TRIO: variants seen among roughly 807,000 people sequenced by gnomAD.
The protein encoded by TRIO is trio Rho guanine nucleotide exchange factor.
A neutral mutation model predicts 351.9 loss-of-function variants in TRIO; 58 were observed. That is an observed-to-expected ratio of 0.16 (90% CI 0.13 to 0.21). The LOEUF is 0.21. TRIO is among the 10% of genes least tolerant of loss of function. The probability of loss-of-function intolerance (pLI) is 1.00; values close to 1 mark genes in which losing one functional copy is unlikely to be tolerated. For synonymous variants in TRIO, 1,758 were observed against 1,595.7 expected (o/e 1.10, Z -2.42); for missense variants, 3,201 against 4,027.8 (o/e 0.79, Z 5.56).
intron 2 of TRIO, among the ~76,000 whole-genome samples, chr5:14,279,237 T>C (rs965752164): frequency 6.6e-6 from 1 of 152,248 alleles, no homozygotes; most frequent in African/African-American, 2.4e-5. Flanking sequence ...CATTATTATT[T>C]AGAATGAGTA....
intron 1 of TRIO, among the ~76,000 whole-genome samples, chr5:14,201,174 C>T (rs775235084): frequency 2.2e-4 from 34 of 151,972 alleles, no homozygotes; most frequent in Admixed American, 3.9e-4. Context: ...GCAGGAGAAT[C>T]GCTTGAACCC....
At chr5:14,488,457 C>T in intron 48 of TRIO, 197 bp downstream of exon 48, 1 of 742,060 alleles carries the variant, frequency 1.3e-6, no homozygotes, top group Non-Finnish European at 2.1e-6. Flanking sequence ...TTGTTCGTGT[C>T]TTCTAATAAG....
chr5:14,159,333 AAAAGAG>A (rs1023984542), intron 1 of TRIO, among the ~76,000 whole-genome samples: 12 of 152,032 alleles, frequency 7.9e-5, no homozygotes, highest in South Asian at 4.1e-4. Flanking sequence ...AAAAAAAAAA[AAAAGAG>A]AGAGAGACTT....
chr5:14,243,019 C>T (rs354282), intron 1 of TRIO, among the ~76,000 whole-genome samples: 2,508 of 152,326 alleles, frequency 0.016, 73 homozygotes, highest in African/African-American at 0.056. Flanking sequence ...CAGGGGGTCT[C>T]TTCTCTCACA....
At chr5:14,308,891 C>T (rs1201303823) in intron 8 of TRIO, among the ~76,000 whole-genome samples, 1 of 152,018 alleles carries the variant, frequency 6.6e-6, no homozygotes, top group Non-Finnish European at 1.5e-5. Context: ...GACTCAGTCA[C>T]CCAACCACCC....
intron 5 of TRIO, among the ~76,000 whole-genome samples, chr5:14,291,763 T>A (rs1355182308): frequency 7.9e-6 from 1 of 126,410 alleles, no homozygotes; most frequent in Non-Finnish European, 1.5e-5. Context: ...CATTTCGGCC[T>A]GGGCGACAGA....
At chr5:14,416,136 A>T (rs2093993840) in intron 33 of TRIO, among the ~76,000 whole-genome samples, 1 of 149,968 alleles carries the variant, frequency 6.7e-6, no homozygotes, top group African/African-American at 2.5e-5. Context: ...CTTTCAACTG[A>T]GGGTAGAAAT....
chr5:14,256,091 C>G (rs1337470231), intron 1 of TRIO, among the ~76,000 whole-genome samples: 1 of 152,172 alleles, frequency 6.6e-6, no homozygotes, highest in Non-Finnish European at 1.5e-5. Context: ...GCTCATTGTT[C>G]TGCAGGCTGT....
rs551510075 is a variant in TRIO at position 14,374,119 on chromosome 5, C to T, written c.3217-110C>T. On this transcript the variant is annotated intron_variant, in intron 18 of 56. Coordinates refer to ENST00000344204, the MANE Select transcript of TRIO (RefSeq NM_007118.4). ...ATGCATTTTCTAAACCAGCAGGTGG[C>T]CAGATAAATATTTTAGGTAAAGACA... 4.2e-4 allele frequency: 285 copies of T among 679,156 alleles called. 2 individuals are homozygous for T. Among genetic ancestry groups the T allele is most frequent in the Admixed American group, 1.2e-3 (40 of 33,644 alleles). 42.1% of individuals were successfully genotyped at this position (679,156 alleles called of 1,614,324 possible). A position where few individuals can be genotyped will look rare whatever the true frequency, so the allele number is the denominator to read the frequency against.
rs772934278 is a variant in TRIO, at chr5:14,304,486, G to A, written c.1394G>A (p.Cys465Tyr). ...TATATGAGCAACGTGGATTCATGGTGTAAAGCTTGCGGTGAGGTAGACCTT... is the reference window on the plus strand; with the variant it reads ...TATATGAGCAACGTGGATTCATGGTATAAAGCTTGCGGTGAGGTAGACCTT... ...EKYMSNVDSW[C>Y]KACGEVDLPS... Residue 465 changes from cysteine (C) to tyrosine (Y), a missense_variant, in exon 8 of 57, where the codon TGT becomes TAT. Cys to Tyr is a radical substitution (Grantham distance 194, BLOSUM62 -2). Around this residue, in one of 19 missense-constraint regions of TRIO, gnomAD observed 349 missense variants for 449.3 expected, o/e 0.78. Coordinates refer to ENST00000344204, the MANE Select transcript of TRIO (RefSeq NM_007118.4). 1 of 1,613,508 alleles carries A rather than the reference G, an allele frequency of 6.2e-7. No homozygotes were observed. The highest frequency in any genetic ancestry group is 1.1e-5 in the South Asian group (1 of 90,810).
chr5:14,361,424 G>C (rs1744143283), intron 13 of TRIO, among the ~76,000 whole-genome samples: 1 of 152,152 alleles, frequency 6.6e-6, no homozygotes, highest in South Asian at 2.1e-4. Flanking sequence ...CCCAGTCTCA[G>C]GCCAGCTTCA....
intron 1 of TRIO, among the ~76,000 whole-genome samples, chr5:14,148,662 C>G (rs559500812): frequency 8.9e-4 from 135 of 152,270 alleles, no homozygotes; most frequent in African/African-American, 3.2e-3. Flanking sequence ...GTAGCGACTC[C>G]CTGGACAGTG....
chr5:14,504,291 G>T, intron 54 of TRIO, 102 bp from the exon 55 acceptor site: 2 of 1,318,540 alleles, frequency 1.5e-6, no homozygotes, highest in Non-Finnish European at 2.1e-6. Flanking sequence ...CCTCTGGACA[G>T]GGCTGGGCCA....
intron 34 of TRIO, among the ~76,000 whole-genome samples, chr5:14,427,481 G>A (rs1019589822): frequency 7.9e-5 from 12 of 152,146 alleles, no homozygotes; most frequent in African/African-American, 2.4e-4. Flanking sequence ...CGGGGGATAC[G>A]CCGGTGCTGT....
In TRIO at chr5:14,482,743, G is replaced by T. The variant is rs765126280; in HGVS notation, c.6627G>T (p.Met2209Ile). 7.5e-6 allele frequency: 12 copies of T among 1,605,846 alleles called. No homozygotes were observed. The highest frequency in any genetic ancestry group is 5.6e-5 in the South Asian group (5 of 90,004). The change falls in exon 46 of 57, where the codon ATG (methionine) becomes ATT (isoleucine). Residue 2209 changes from methionine (M) to isoleucine (I), a missense_variant. Physicochemically the swap from Met to Ile is conservative, Grantham distance 10. This residue lies in a region of TRIO where 1,089 missense variants were observed against 954.9 expected (regional missense o/e 1.14). Transcript: ENST00000344204. ...TTGATAAAAAGAAGGGCTTCTCCAT[G>T]CCGGGATTCCTGTTTAAGAACAGTA... ...EPLDKKKGFS[M>I]PGFLFKNSIK...
At chr5:14,485,919 C>T (rs940632250) in intron 47 of TRIO, among the ~76,000 whole-genome samples, 3 of 151,682 alleles carry the variant, frequency 2.0e-5, no homozygotes, top group African/African-American at 4.9e-5. Context: ...ACCCAGGAGG[C>T]GGAGATCGTG....
chr5:14,368,672 G>T, intron 16 of TRIO, 36 bp from the exon 17 acceptor site: 1 of 1,593,936 alleles, frequency 6.3e-7, no homozygotes, highest in South Asian at 1.1e-5. Flanking sequence ...TGGGGACACT[G>T]ACAAATAAGC....
intron 33 of TRIO, among the ~76,000 whole-genome samples, chr5:14,416,317 A>G (rs926963326): frequency 4.0e-5 from 6 of 151,706 alleles, no homozygotes; most frequent in Non-Finnish European, 7.4e-5. Flanking sequence ...TAATTAGCAA[A>G]CCTGGTTTCA....
chr5:14,147,428 A>C (rs952787919), intron 1 of TRIO, among the ~76,000 whole-genome samples: 8 of 152,154 alleles, frequency 5.3e-5, no homozygotes, highest in Admixed American at 1.3e-4. Context: ...ATTCTTTCAG[A>C]GCTCCCTATT....
Sources: gnomAD v4.1 joint callset for allele counts (sites outside exome capture counted in the v4.1 genomes callset) on GRCh38, gnomAD v4.1.1 for gene constraint, gnomAD v4.1.1 regional missense constraint, MANE v1.5 for transcripts, NCBI Gene and HGNC (gene_info 2026-07-23, HGNC 2026-07-21) for gene names.